The following HCN1 variants were observed in gnomAD, a reference collection of about 807,000 sequenced individuals.
The protein encoded by HCN1 is potassium/sodium hyperpolarization-activated cyclic nucleotide-gated channel 1.
HCN1 carries 13 observed loss-of-function variants against 78.9 expected under a neutral mutation model. The ratio of observed to expected loss-of-function variants is 0.16; its 90% confidence interval spans 0.11 to 0.26. The LOEUF (loss-of-function observed/expected upper bound fraction) is 0.26, where lower values mean the gene tolerates loss of function less well. Among genes scored for constraint, HCN1 ranks in the 10% least tolerant of loss-of-function variants. The pLI is 1.00. For synonymous variants in HCN1, 552 were observed against 455.5 expected (o/e 1.21, Z -2.70); for missense variants, 810 against 1,154.3 (o/e 0.70, Z 4.32).
chr5:45,358,507 C>T (rs1561122790), intron 4 of HCN1, among the ~76,000 whole-genome samples: 1 of 152,184 alleles, frequency 6.6e-6, no homozygotes, highest in East Asian at 1.9e-4. Context: ...TACTCTCTCT[C>T]CTTCAACTCA....
chr5:45,287,475 T>C (rs1394036174), intron 6 of HCN1, among the ~76,000 whole-genome samples: 2 of 152,096 alleles, frequency 1.3e-5, no homozygotes, highest in African/African-American at 2.4e-5. Context: ...TATTTTAATA[T>C]AGCTGAGTTA....
chr5:45,487,087 T>G (rs1486248834), intron 2 of HCN1, among the ~76,000 whole-genome samples: 1 of 152,126 alleles, frequency 6.6e-6, no homozygotes, highest in Non-Finnish European at 1.5e-5. Flanking sequence ...AGTATAATTG[T>G]AAAGGATACA....
intron 2 of HCN1, among the ~76,000 whole-genome samples, chr5:45,506,372 T>A (rs1223040122): frequency 6.6e-6 from 1 of 152,078 alleles, no homozygotes. Flanking sequence ...TACCAGCAAT[T>A]TAGAAAATAA....
At chr5:45,480,092 A>G (rs528224850) in intron 2 of HCN1, 1 of 152,748 alleles carries the variant, frequency 6.5e-6, no homozygotes, top group Admixed American at 6.5e-5. Context: ...CTCCTTGCTT[A>G]TGACAGAGTT....
rs182093792 is a variant in HCN1 at position 45,511,821 on chromosome 5, A to G, written c.850-49814T>C. ...AAAGTATGAGCTTCAGTTAAAAATA[A>G]TCTATCAGTATTGGTTCGTTAGTTC... On this transcript the variant is annotated intron_variant, in intron 2 of 7. Coordinates refer to ENST00000303230, the MANE Select transcript of HCN1 (RefSeq NM_021072.4). 2.0e-5 allele frequency among the ~76,000 whole-genome samples: 3 copies of G among 152,186 alleles called. No homozygotes were observed. In the East Asian group the frequency reaches 5.8e-4, roughly 29 times the overall value.
chr5:45,327,609 T>G (rs928171394), intron 5 of HCN1, among the ~76,000 whole-genome samples: 1 of 151,662 alleles, frequency 6.6e-6, no homozygotes, highest in Non-Finnish European at 1.5e-5. Context: ...TGTTATGGGT[T>G]GAGTTGTGTC....
chr5:45,603,960 T>C (rs1744675449), intron 2 of HCN1, among the ~76,000 whole-genome samples: 1 of 152,140 alleles, frequency 6.6e-6, no homozygotes, highest in African/African-American at 2.4e-5. Context: ...TTTGAATAGC[T>C]TCTTCACATT....
chr5:45,349,484 A>G (rs1378028828), intron 5 of HCN1, among the ~76,000 whole-genome samples: 1 of 152,206 alleles, frequency 6.6e-6, no homozygotes, highest in Non-Finnish European at 1.5e-5. Context: ...AAGAGCAAAT[A>G]CATTCAAAAT....
intron 7 of HCN1, among the ~76,000 whole-genome samples, chr5:45,264,367 G>A (rs576593495): frequency 6.6e-6 from 1 of 152,306 alleles, no homozygotes; most frequent in African/African-American, 2.4e-5. Flanking sequence ...GAAGGGGAAA[G>A]TAGTGACTTT....
chr5:45,443,076 G>A (rs1490296375), intron 3 of HCN1, among the ~76,000 whole-genome samples: 1 of 152,018 alleles, frequency 6.6e-6, no homozygotes, highest in African/African-American at 2.4e-5. Flanking sequence ...GCCTTCGAAA[G>A]TTGGTGTAAG....
chr5:45,332,305 C>G (rs1746361013), intron 5 of HCN1, among the ~76,000 whole-genome samples: 1 of 151,480 alleles, frequency 6.6e-6, no homozygotes, highest in African/African-American at 2.4e-5. Flanking sequence ...GGGTATCCAT[C>G]CTCAAGGATT....
chr5:45,414,551 C>T (rs1172319291), intron 3 of HCN1, among the ~76,000 whole-genome samples: 1 of 151,978 alleles, frequency 6.6e-6, no homozygotes, highest in Non-Finnish European at 1.5e-5. Context: ...TTGATTGACT[C>T]CATGCTGTAC....
intron 2 of HCN1, among the ~76,000 whole-genome samples, chr5:45,569,734 C>T (rs1743785925): frequency 6.6e-6 from 1 of 151,922 alleles, no homozygotes; most frequent in Non-Finnish European, 1.5e-5. Context: ...TATCTAAAGT[C>T]TTAATATAGT....
chr5:45,476,233 G>T (rs1741511108), intron 2 of HCN1, among the ~76,000 whole-genome samples: 1 of 152,066 alleles, frequency 6.6e-6, no homozygotes, highest in African/African-American at 2.4e-5. Flanking sequence ...CTGCAAACTG[G>T]TAAGAGAGCC....
intron 2 of HCN1, among the ~76,000 whole-genome samples, chr5:45,606,783 C>G (rs550068923): frequency 6.6e-6 from 1 of 151,992 alleles, no homozygotes; most frequent in African/African-American, 2.4e-5. Context: ...AAACAGTCAT[C>G]ACGAATGAAT....
intron 2 of HCN1, among the ~76,000 whole-genome samples, chr5:45,526,441 C>T (rs926459697): frequency 4.6e-5 from 7 of 152,034 alleles, no homozygotes; most frequent in Admixed American, 2.6e-4. Context: ...ACTTTTCATC[C>T]TGATAACCTG....
chr5:45,505,548 T>C (rs1742281441), intron 2 of HCN1, among the ~76,000 whole-genome samples: 1 of 152,170 alleles, frequency 6.6e-6, no homozygotes, highest in African/African-American at 2.4e-5. Context: ...TGCCTCCCGC[T>C]TTGTTCTTTT....
intron 2 of HCN1, among the ~76,000 whole-genome samples, chr5:45,537,521 G>GTTTT (rs1381285677): frequency 3.5e-5 from 1 of 28,836 alleles, no homozygotes; most frequent in Non-Finnish European, 8.4e-5. Flanking sequence ...GCAACTCTAA[G>GTTTT]TCTTTTTTTT....
At chr5:45,382,266 T>A (rs1422414566) in intron 4 of HCN1, among the ~76,000 whole-genome samples, 1 of 152,208 alleles carries the variant, frequency 6.6e-6, no homozygotes. Flanking sequence ...TATCATCATC[T>A]GCAAGCATCT....
Sources: allele counts gnomAD v4.1 joint callset (sites outside exome capture counted in the v4.1 genomes callset), GRCh38; gene constraint gnomAD v4.1.1; transcripts MANE v1.5; gene names NCBI Gene and HGNC (gene_info 2026-07-23, HGNC 2026-07-21).